The following SMOC2 variants were observed in gnomAD, a reference collection of about 807,000 sequenced individuals.
SMOC2 encodes the protein SPARC related modular calcium binding 2.
A neutral mutation model predicts 61.4 loss-of-function variants in SMOC2; 39 were observed. That is an observed-to-expected ratio of 0.64 (90% CI 0.49 to 0.83). SMOC2 has a LOEUF of 0.83. SMOC2 is among the 40% of genes least tolerant of loss of function. SMOC2 has a pLI of 0.00. For missense variants in SMOC2, 556 were observed against 592.9 expected (o/e 0.94, Z 0.65); for synonymous variants, 247 against 239.9 (o/e 1.03, Z -0.27).
At chr6:168,629,164 C>T (rs1470284548) in intron 9 of SMOC2, among the ~76,000 whole-genome samples, 2 of 152,260 alleles carry the variant, frequency 1.3e-5, no homozygotes, top group Non-Finnish European at 2.9e-5. Context: ...GTTTTGTGCA[C>T]ACAATGTGTG....
At chr6:168,618,798 C>T (rs1258784330) in intron 9 of SMOC2, among the ~76,000 whole-genome samples, 1 of 152,140 alleles carries the variant, frequency 6.6e-6, no homozygotes, top group Non-Finnish European at 1.5e-5. Flanking sequence ...CCTGCAGGGA[C>T]TATGGGCTCT....
intron 2 of SMOC2, among the ~76,000 whole-genome samples, chr6:168,510,729 A>G (rs1283814772): frequency 6.6e-6 from 1 of 152,252 alleles, no homozygotes; most frequent in Non-Finnish European, 1.5e-5. Context: ...ATGAAACAAA[A>G]CAGCAGCCAC....
intron 9 of SMOC2, among the ~76,000 whole-genome samples, chr6:168,645,752 C>T (rs187406754): frequency 2.4e-4 from 36 of 152,272 alleles, no homozygotes; most frequent in South Asian, 1.2e-3. Context: ...CAGGTCACCA[C>T]GCAGGCCCCC....
At chr6:168,616,379 A>G (rs7751017) in intron 9 of SMOC2, among the ~76,000 whole-genome samples, 136,918 of 152,228 alleles carry the variant, frequency 0.9, 61,652 homozygotes, top group Middle Eastern at 0.99. Context: ...AGGCTGGGAC[A>G]AGGACTGGGT....
intron 4 of SMOC2, among the ~76,000 whole-genome samples, chr6:168,538,384 G>A (rs550070753): frequency 7.6e-6 from 1 of 131,930 alleles, no homozygotes; most frequent in African/African-American, 2.9e-5. Flanking sequence ...AATGTGGGGA[G>A]TGGGGTGACC....
In SMOC2 at chr6:168,469,960, A is replaced by G. The variant is rs185841934; in HGVS notation, c.84+28506A>G. ...TTTTATCTGCTCACAGAAAATACAT[A>G]TGAAATTTAAAATATATTCATTTTC... On this transcript the variant is annotated intron_variant, in intron 1 of 12. Coordinates refer to ENST00000356284, the MANE Select transcript of SMOC2 (RefSeq NM_001166412.2). Among the ~76,000 whole-genome samples the G allele has an allele frequency of 5.8e-4, 89 of 152,376 alleles. 2 individuals are homozygous for G. The East Asian group carries it at 0.015, about 26-fold the overall frequency.
chr6:168,648,595 T>C lies in SMOC2; in HGVS notation c.908-2086T>C, dbSNP rs549326087. On this transcript the variant is annotated intron_variant, in intron 9 of 12. Coordinates refer to ENST00000356284, the MANE Select transcript of SMOC2 (RefSeq NM_001166412.2). Reference sequence around the variant, plus strand: ...TCTGCCTTTCTGAGGGGATGTTCGATGAGACTGTTACTTCTTTCTTGGAAA... The same window carrying C: ...TCTGCCTTTCTGAGGGGATGTTCGACGAGACTGTTACTTCTTTCTTGGAAA... Among the ~76,000 whole-genome samples the C allele has an allele frequency of 5.3e-5, 8 of 152,360 alleles. No homozygotes were observed. The South Asian group carries it at 1.7e-3, about 32-fold the overall frequency.
At chr6:168,527,058 C>T (rs1369237626) in intron 3 of SMOC2, among the ~76,000 whole-genome samples, 1 of 152,208 alleles carries the variant, frequency 6.6e-6, no homozygotes, top group African/African-American at 2.4e-5. Flanking sequence ...GCAGAAAAAA[C>T]AGCACGGGTT....
intron 7 of SMOC2, among the ~76,000 whole-genome samples, chr6:168,579,919 T>C (rs1229433533): frequency 6.6e-6 from 1 of 152,212 alleles, no homozygotes; most frequent in Non-Finnish European, 1.5e-5. Flanking sequence ...GGTAGAGAAA[T>C]GTGGAAAGTT....
chr6:168,578,511 G>A lies in SMOC2; in HGVS notation c.638-20307G>A, dbSNP rs1784855461. ...CTGAATAATTTCAAGTCTAGCACATGCCCTGACCTTCCTTGCCCTTGGTGC... is the reference window on the plus strand; with the variant it reads ...CTGAATAATTTCAAGTCTAGCACATACCCTGACCTTCCTTGCCCTTGGTGC... On this transcript the variant is annotated intron_variant, in intron 7 of 12. Coordinates refer to ENST00000356284, the MANE Select transcript of SMOC2 (RefSeq NM_001166412.2). 2.0e-5 allele frequency among the ~76,000 whole-genome samples: 3 copies of A among 152,206 alleles called. No individual in the cohort carries two copies. In the South Asian group the frequency reaches 6.2e-4, roughly 31 times the overall value.
At chr6:168,447,695 A>G (rs1781360216) in intron 1 of SMOC2, among the ~76,000 whole-genome samples, 1 of 152,172 alleles carries the variant, frequency 6.6e-6, no homozygotes, top group African/African-American at 2.4e-5. Context: ...GTAGGTAAAC[A>G]CGATGGCCTG....
chr6:168,515,932 C>T (rs1265484883), intron 2 of SMOC2, among the ~76,000 whole-genome samples: 1 of 152,234 alleles, frequency 6.6e-6, no homozygotes, highest in Non-Finnish European at 1.5e-5. Flanking sequence ...CCCTTTAGAT[C>T]ATTCGTGTAA....
chr6:168,613,157 G>A (rs1583160067), intron 9 of SMOC2, among the ~76,000 whole-genome samples: 1 of 152,338 alleles, frequency 6.6e-6, no homozygotes, highest in Non-Finnish European at 1.5e-5. Flanking sequence ...TGCGCTGCGT[G>A]CAGTCTGATC....
chr6:168,479,964 A>G (rs1272237836), intron 1 of SMOC2, among the ~76,000 whole-genome samples: 1 of 152,184 alleles, frequency 6.6e-6, no homozygotes, highest in African/African-American at 2.4e-5. Flanking sequence ...TAATATATGG[A>G]GAGAATTAGA....
intron 4 of SMOC2, among the ~76,000 whole-genome samples, chr6:168,538,301 G>T (rs1167672680): frequency 7.2e-6 from 1 of 139,820 alleles, no homozygotes; most frequent in Non-Finnish European, 1.5e-5. Context: ...GGGGAGTGGG[G>T]TGACCCCTGC....
At position 168,527,621 on chromosome 6, in the gene SMOC2, C is replaced by T. The variant is rs936432191; in HGVS notation, c.364-7C>T. The T allele has an allele frequency of 1.9e-6, 3 of 1,548,690 alleles. No individual in the cohort carries two copies. Among genetic ancestry groups the T allele is most frequent in the Non-Finnish European group, 1.7e-6 (2 of 1,145,726 alleles). On this transcript the variant is annotated splice_polypyrimidine_tract_variant and splice_region_variant and intron_variant, in intron 3 of 12. Coordinates refer to ENST00000356284, the MANE Select transcript of SMOC2 (RefSeq NM_001166412.2). ...GGAGGGCTTACCCGTCCTGTGCTCT[C>T]TCGCAGGTCCAGTGTCACAGCTACA... is the stretch of plus-strand genomic sequence containing the variant.
At chr6:168,442,302 C>A (rs1036947854) in intron 1 of SMOC2, among the ~76,000 whole-genome samples, 1 of 152,242 alleles carries the variant, frequency 6.6e-6, no homozygotes, top group Admixed American at 6.5e-5. Flanking sequence ...GCTGTAACTT[C>A]TATGCGACAG....
At chr6:168,482,999 A>G (rs1384377615) in intron 1 of SMOC2, among the ~76,000 whole-genome samples, 1 of 152,148 alleles carries the variant, frequency 6.6e-6, no homozygotes, top group Admixed American at 6.5e-5. Context: ...GGAGTAAGGC[A>G]AGGATGCCTG....
At chr6:168,621,062 A>C (rs1786231685) in intron 9 of SMOC2, among the ~76,000 whole-genome samples, 1 of 149,768 alleles carries the variant, frequency 6.7e-6, no homozygotes, top group South Asian at 2.1e-4. Flanking sequence ...AGCATGATTT[A>C]CTTTTTTTCT....
Sources: gnomAD v4.1 joint callset for allele counts (sites outside exome capture counted in the v4.1 genomes callset) on GRCh38, gnomAD v4.1.1 for gene constraint, MANE v1.5 for transcripts, NCBI Gene and HGNC (gene_info 2026-07-23, HGNC 2026-07-21) for gene names.